Variants in FERRY3 observed in about 807,000 individuals in gnomAD.
FERRY3 encodes FERRY endosomal RAB5 effector complex subunit 3.
chr12:4,532,886 C>T, the FERRY3 span, among the ~76,000 whole-genome samples: 1 of 152,212 alleles, frequency 6.6e-6, no homozygotes, highest in Non-Finnish European at 1.5e-5. Flanking sequence ...TTCCTCTTCT[C>T]TATGCCTGCA....
At chr12:4,496,232 T>C in the FERRY3 span, among the ~76,000 whole-genome samples, 5 of 152,160 alleles carry the variant, frequency 3.3e-5, no homozygotes, top group Admixed American at 6.5e-5. Context: ...TTTGGGTACT[T>C]AGAAAAAGTA....
chr12:4,524,825 G>A, the FERRY3 span: 2 of 153,110 alleles, frequency 1.3e-5, no homozygotes, highest in African/African-American at 2.4e-5. Context: ...ACATGCTTCT[G>A]TTACTGCACA....
the FERRY3 span, among the ~76,000 whole-genome samples, chr12:4,508,126 G>C: frequency 3.3e-5 from 5 of 152,184 alleles, no homozygotes; most frequent in Non-Finnish European, 7.3e-5. Flanking sequence ...GTTATGACTA[G>C]ATAGCCACAT....
the FERRY3 span, chr12:4,518,298 C>A: frequency 1.9e-6 from 3 of 1,543,204 alleles, no homozygotes; most frequent in Non-Finnish European, 2.7e-6. Flanking sequence ...TAAGCAGCTA[C>A]AGAAAGTCCA....
the FERRY3 span, among the ~76,000 whole-genome samples, chr12:4,508,009 T>C: frequency 7.9e-5 from 12 of 152,164 alleles, no homozygotes; most frequent in Non-Finnish European, 1.5e-4. Flanking sequence ...ATTTTGAGAG[T>C]GTTTTACCTA....
chr12:4,489,628 A>T, the FERRY3 span: 1 of 433,724 alleles, frequency 2.3e-6, no homozygotes, highest in Non-Finnish European at 4.1e-6. Flanking sequence ...TTAGGGGTTG[A>T]TCACCAGTTT....
chr12:4,522,178 C>T, the FERRY3 span, among the ~76,000 whole-genome samples: 5 of 152,120 alleles, frequency 3.3e-5, no homozygotes, highest in Non-Finnish European at 7.4e-5. Context: ...AATCTTAGTA[C>T]CTTCCTCTCA....
At chr12:4,523,222 T>G in the FERRY3 span, among the ~76,000 whole-genome samples, 1 of 152,206 alleles carries the variant, frequency 6.6e-6, no homozygotes, top group Non-Finnish European at 1.5e-5. Flanking sequence ...CAAAGAAACA[T>G]CTATCAAAAA....
the FERRY3 span, among the ~76,000 whole-genome samples, chr12:4,528,451 A>G: frequency 6.6e-6 from 1 of 152,166 alleles, no homozygotes; most frequent in African/African-American, 2.4e-5. Flanking sequence ...TGTTTCAACT[A>G]TATACCTAGT....
the FERRY3 span, chr12:4,529,814 C>T: frequency 2.2e-6 from 3 of 1,370,238 alleles, no homozygotes; most frequent in Non-Finnish European, 3.0e-6. Flanking sequence ...GTTCTGCAGG[C>T]CATCTATTTG....
At chr12:4,498,232 C>T in the FERRY3 span, among the ~76,000 whole-genome samples, 1 of 152,194 alleles carries the variant, frequency 6.6e-6, no homozygotes, top group African/African-American at 2.4e-5. Context: ...TTCCCACCTA[C>T]ATATAACCAT....
the FERRY3 span, among the ~76,000 whole-genome samples, chr12:4,514,048 G>GA: frequency 1.6e-4 from 24 of 149,814 alleles, no homozygotes; most frequent in African/African-American, 5.4e-4. Context: ...AAATTTACAA[G>GA]AAAAAAACAA....
the FERRY3 span, among the ~76,000 whole-genome samples, chr12:4,513,966 A>C: frequency 2.6e-5 from 4 of 151,606 alleles, 1 homozygote; most frequent in South Asian, 8.3e-4. Flanking sequence ...CAACCTACAA[A>C]ATGGGAGAAA....
the FERRY3 span, among the ~76,000 whole-genome samples, chr12:4,503,963 G>A: frequency 6.6e-6 from 1 of 152,344 alleles, no homozygotes; most frequent in African/African-American, 2.4e-5. Flanking sequence ...GTGGATCCAT[G>A]AAGAGAAATA....
At chr12:4,537,569 C>T in the FERRY3 span, among the ~76,000 whole-genome samples, 2 of 152,106 alleles carry the variant, frequency 1.3e-5, no homozygotes, top group East Asian at 3.9e-4. Flanking sequence ...AAGATATCAC[C>T]TGAAATATAA....
chr12:4,504,626 T>C, the FERRY3 span, among the ~76,000 whole-genome samples: 1 of 152,240 alleles, frequency 6.6e-6, no homozygotes, highest in Admixed American at 6.5e-5. Context: ...ATTTTAGCTA[T>C]AAGGCTGAGA....
At chr12:4,535,662 A>G in the FERRY3 span, among the ~76,000 whole-genome samples, 2 of 152,236 alleles carry the variant, frequency 1.3e-5, no homozygotes. This position sits in a 1 kb window ranked among gnomAD's most constrained non-coding sequence, Gnocchi z 4.0. Flanking sequence ...TAATGACCAG[A>G]TTATTAAAAG....
At chr12:4,508,598 A>G in the FERRY3 span, among the ~76,000 whole-genome samples, 42 of 152,096 alleles carry the variant, frequency 2.8e-4, no homozygotes, top group Admixed American at 8.5e-4. Context: ...TACAAAAATT[A>G]GCCAGGCACG....
the FERRY3 span, among the ~76,000 whole-genome samples, chr12:4,527,187 T>C: frequency 6.6e-6 from 1 of 152,160 alleles, no homozygotes; most frequent in Non-Finnish European, 1.5e-5. Flanking sequence ...TTGCCATTTT[T>C]AAAGTTTAAA....
Sources: gnomAD v4.1 joint callset for allele counts (sites outside exome capture counted in the v4.1 genomes callset) on GRCh38, gnomAD v4.1.1 for gene constraint, Gnocchi (gnomAD v3.1) non-coding constraint, MANE v1.5 for transcripts, NCBI Gene and HGNC (gene_info 2026-07-23, HGNC 2026-07-21) for gene names.